GGA3: variants seen among roughly 807,000 people sequenced by gnomAD.
GGA3 encodes golgi associated, gamma adaptin ear containing, ARF binding protein 3, also known as ADP-ribosylation factor-binding protein GGA3.
GGA3 carries 57 observed loss-of-function variants against 77.5 expected under a neutral mutation model. That is an observed-to-expected ratio of 0.74 (90% CI 0.59 to 0.92). GGA3 has a LOEUF of 0.92. Among genes scored for constraint, GGA3 ranks in the 40% least tolerant of loss-of-function variants. The probability of loss-of-function intolerance (pLI) is 0.00; values close to 1 mark genes in which losing one functional copy is unlikely to be tolerated. For missense variants in GGA3, 970 were observed against 914.9 expected (o/e 1.06, Z -0.78); for synonymous variants, 416 against 383.7 (o/e 1.08, Z -0.98).
chr17:75,261,420 C>T, intron 1 of GGA3, 128 bp downstream of exon 1: 1 of 657,798 alleles, frequency 1.5e-6, no homozygotes, highest in Non-Finnish European at 2.3e-6. Flanking sequence ...AGGCTGCTCG[C>T]GGCGAGGGCG....
At chr17:75,239,716 T>G in intron 13 of GGA3, 73 bp downstream of exon 13, 1 of 1,559,992 alleles carries the variant, frequency 6.4e-7, no homozygotes, top group Non-Finnish European at 8.8e-7. Flanking sequence ...CCCCCACCCC[T>G]TCAAAGTTAG....
At chr17:75,256,718 G>A (rs1267462939) in intron 1 of GGA3, among the ~76,000 whole-genome samples, 5 of 152,002 alleles carry the variant, frequency 3.3e-5, no homozygotes, top group East Asian at 1.9e-4. Context: ...CTACTCCTCA[G>A]GGATTATTCA....
At chr17:75,251,954 C>G (rs556317377) in intron 1 of GGA3, among the ~76,000 whole-genome samples, 7 of 151,994 alleles carry the variant, frequency 4.6e-5, no homozygotes, top group African/African-American at 1.7e-4. Context: ...TTGGTAGAGA[C>G]AGAATTTTGC....
intron 7 of GGA3, 135 bp downstream of exon 7, chr17:75,242,696 C>G: frequency 1.1e-6 from 1 of 912,776 alleles, no homozygotes; most frequent in Admixed American, 1.9e-5. Context: ...TCCTCCCACT[C>G]TCAGCCACCG....
In GGA3 at chr17:75,246,489, C is replaced by T. The variant is rs182220072; in HGVS notation, c.201+20G>A. On this transcript the variant is annotated intron_variant, in intron 3 of 16. Transcript: ENST00000537686. Reference sequence around the variant, plus strand: ...AGGTGAAGGGCTGCGGTTTCCACCTCCGGAGAGTGAAGGACCTACCGTCAG... The same window carrying T: ...AGGTGAAGGGCTGCGGTTTCCACCTTCGGAGAGTGAAGGACCTACCGTCAG... The T allele has an allele frequency of 1.7e-5, 26 of 1,540,588 alleles. No homozygotes were observed. In the Admixed American group the frequency reaches 3.0e-4, roughly 18 times the overall value.
rs1284867202 is a variant in GGA3, at chr17:75,239,964, C to T, written c.1408G>A (p.Val470Ile). The T allele has an allele frequency of 6.4e-7, 1 of 1,569,154 alleles. No individual in the cohort carries two copies. Among genetic ancestry groups the T allele is most frequent in the African/African-American group, 1.4e-5 (1 of 73,530 alleles). The change falls in exon 13 of 17, where the codon GTC (valine) becomes ATC (isoleucine). Residue 470 changes from valine (V) to isoleucine (I), a missense_variant. By Grantham distance (29) the Val-to-Ile change is conservative. Transcript: ENST00000537686. ...PLPPPFPAPVVPASVPAPSAG... is the reference protein window; with the variant it reads ...PLPPPFPAPVIPASVPAPSAG... ...CTGGGGGCAGGAACACTGGCTGGGA[C>T]CACAGGAGCTGGGAAGGGAGGCGGC...
rs2076598854 is a variant in GGA3 at position 75,242,569 on chromosome 17, CG to C, written c.610-97del. On this transcript the variant is annotated intron_variant, in intron 7 of 16. Coordinates refer to ENST00000537686, the MANE Select transcript of GGA3 (RefSeq NM_138619.4). ...CCTTACCCCACAACACAAGTACAGA[CG>C]CTCGGAAGCTCCTTTCAGTGTGGGG... 4.9e-6 allele frequency: 7 copies of C among 1,432,748 alleles called. No homozygotes were observed. In the South Asian group the frequency reaches 8.4e-5, roughly 17 times the overall value. The allele number at this position is 1,432,748 out of a possible 1,614,324, so 88.8% of individuals were successfully genotyped here.
chr17:75,248,465 T>G (rs2076832346), intron 1 of GGA3, among the ~76,000 whole-genome samples: 2 of 2,894 alleles, frequency 6.9e-4, no homozygotes, highest in Non-Finnish European at 8.5e-3. Flanking sequence ...CGAGACTCCG[T>G]CTCAAAAAAA....
chr17:75,237,952 G>A lies in GGA3; in HGVS notation c.*327C>T. 1 of 1,170,502 alleles carries A rather than the reference G, an allele frequency of 8.5e-7. No homozygotes were observed. The highest frequency in any genetic ancestry group is 1.7e-5 in the African/African-American group (1 of 57,200). The allele number at this position is 1,170,502 out of a possible 1,614,324, so 72.5% of individuals were successfully genotyped here. On this transcript the variant is annotated 3_prime_UTR_variant, in exon 17 of 17. Coordinates refer to ENST00000537686, the MANE Select transcript of GGA3 (RefSeq NM_138619.4). ...CACCCCCCACCCCAGTGGCTTCAGT[G>A]AATGCCAGTAGAAGGAAGCAAACAC...
In GGA3 at chr17:75,237,668, C is replaced by A; in HGVS notation, c.*611G>T. 1 of 1,486,550 alleles carries A rather than the reference C, an allele frequency of 6.7e-7. No homozygotes were observed. Among genetic ancestry groups the A allele is most frequent in the South Asian group, 1.3e-5 (1 of 75,318 alleles). The allele number at this position is 1,486,550 out of a possible 1,614,324, so 92.1% of individuals were successfully genotyped here. A position where few individuals can be genotyped will look rare whatever the true frequency, so the allele number is the denominator to read the frequency against. On this transcript the variant is annotated 3_prime_UTR_variant, in exon 17 of 17. Transcript: ENST00000537686. ...CACTGCCAGGGACAAGCACACAACT[C>A]ATCACTCCGTGGCCATTCCAGGACG...
intron 14 of GGA3, 31 bp downstream of exon 14, chr17:75,239,344 G>GC (rs1568110738): frequency 1.3e-6 from 2 of 1,498,084 alleles, no homozygotes; most frequent in Admixed American, 2.3e-5. Flanking sequence ...AGGCCCCACC[G>GC]CCCCACCCAC....
At position 75,239,238 on chromosome 17, in the gene GGA3, A is replaced by G. The variant is rs866329427; in HGVS notation, c.1780+137T>C. 6.7e-5 allele frequency: 65 copies of G among 965,022 alleles called. No homozygotes were observed. The Middle Eastern group carries it at 3.7e-3, about 55-fold the overall frequency. The allele number at this position is 965,022 out of a possible 1,614,324, so 59.8% of individuals were successfully genotyped here. ...GCGCTCAGTGAGGAGCTTAAGACTG[A>G]GAATGCAGGCAGGGAGGCCTGCCTG... On this transcript the variant is annotated intron_variant, in intron 14 of 16. Coordinates refer to ENST00000537686, the MANE Select transcript of GGA3 (RefSeq NM_138619.4).
At chr17:75,250,863 C>T (rs745709018) in intron 1 of GGA3, among the ~76,000 whole-genome samples, 1 of 151,242 alleles carries the variant, frequency 6.6e-6, no homozygotes, top group East Asian at 2.0e-4. Flanking sequence ...GGATCACCTG[C>T]GTGAGGTTAG....
In GGA3 at chr17:75,238,150, CAGGG is replaced by C. The variant is rs2076385110; in HGVS notation, c.*125_*128del. 6.8e-7 allele frequency: 1 copy of C among 1,463,956 alleles called. No homozygotes were observed. The highest frequency in any genetic ancestry group is 1.4e-5 in the African/African-American group (1 of 70,774). The allele number at this position is 1,463,956 out of a possible 1,614,324, so 90.7% of individuals were successfully genotyped here. On this transcript the variant is annotated 3_prime_UTR_variant, in exon 17 of 17. Coordinates refer to ENST00000537686, the MANE Select transcript of GGA3 (RefSeq NM_138619.4). ...CAGTTTGGTTCTCAGCAGAAATGCC[CAGGG>C]CCCCTGTTCCACATCAAAGCTACAA...
intron 9 of GGA3, 45 bp downstream of exon 9, chr17:75,241,570 T>C (rs374185192): frequency 2.4e-5 from 39 of 1,603,572 alleles, no homozygotes; most frequent in Non-Finnish European, 3.2e-5. Context: ...CCCACCCACA[T>C]ATCCAAATGC....
chr17:75,246,858 T>G (rs1598414243), intron 1 of GGA3, 62 bp from the exon 2 acceptor site: 1 of 1,285,584 alleles, frequency 7.8e-7, no homozygotes, highest in South Asian at 1.2e-5. Context: ...CAATGGAAGG[T>G]TTTCTTCGCA....
chr17:75,261,734 T>A, upstream of GGA3: 1 of 1,142,276 alleles, frequency 8.8e-7, no homozygotes, highest in Non-Finnish European at 1.2e-6. Flanking sequence ...AGGGCAAGGG[T>A]TTCCTTTTGG....
Position 75,261,540 on chromosome 17 carries a change from C to T in GGA3, c.40+8G>A, listed in dbSNP as rs553317835. The T allele has an allele frequency of 2.6e-6, 4 of 1,525,234 alleles. No individual in the cohort carries two copies. Among genetic ancestry groups the T allele is most frequent in the East Asian group, 4.9e-5 (2 of 40,930 alleles). The allele number at this position is 1,525,234 out of a possible 1,614,324, so 94.5% of individuals were successfully genotyped here. The stretch of plus-strand genomic sequence containing the variant: ...CGAGGGCAGGCAGAAACGGCCGCGG[C>T]TACTCACTGAGCCAGGACTCCAGGC... On this transcript the variant is annotated splice_region_variant and intron_variant, in intron 1 of 16. Coordinates refer to ENST00000537686, the MANE Select transcript of GGA3 (RefSeq NM_138619.4).
chr17:75,244,974 C>T (rs906092844), intron 3 of GGA3, among the ~76,000 whole-genome samples: 1 of 152,150 alleles, frequency 6.6e-6, no homozygotes, highest in Non-Finnish European at 1.5e-5. Context: ...AGACCCCGAC[C>T]CCAAGAAGGC....
Sources: gnomAD v4.1 joint callset for allele counts (sites outside exome capture counted in the v4.1 genomes callset) on GRCh38, gnomAD v4.1.1 for gene constraint, MANE v1.5 for transcripts, NCBI Gene and HGNC (gene_info 2026-07-23, HGNC 2026-07-21) for gene names.